OTOA: variants seen among roughly 807,000 people sequenced by gnomAD.
OTOA encodes the protein cancer/testis antigen 108.
In OTOA, 70 loss-of-function variants were observed where a neutral mutation model predicts 110.8. That is an observed-to-expected ratio of 0.63 (90% CI 0.52 to 0.77). The LOEUF is 0.77. Among genes scored for constraint, OTOA ranks in the 30% least tolerant of loss-of-function variants. OTOA has a pLI of 0.00. For missense variants in OTOA, 917 were observed against 1,075.8 expected (o/e 0.85, Z 2.06); for synonymous variants, 373 against 431.5 (o/e 0.86, Z 1.68).
intron 14 of OTOA, 30 bp downstream of exon 14, chr16:21,715,182 C>A (rs771300640): frequency 4.4e-5 from 71 of 1,613,790 alleles, no homozygotes; most frequent in Non-Finnish European, 5.9e-5. Flanking sequence ...TGCTCAGCCA[C>A]ATGTCACAGG....
At chr16:21,671,586 C>CAAAAAAAA (rs369010025) in intron 1 of OTOA, among the ~76,000 whole-genome samples, 4 of 78,276 alleles carry the variant, frequency 5.1e-5, no homozygotes, top group African/African-American at 9.3e-5. Context: ...GACTCCATAT[C>CAAAAAAAA]AAAAAAAAAA....
chr16:21,733,689 C>G (rs1271486681), intron 21 of OTOA, among the ~76,000 whole-genome samples: 1 of 150,630 alleles, frequency 6.6e-6, no homozygotes, highest in African/African-American at 2.4e-5. Flanking sequence ...GCACTTTCTC[C>G]AAGGCAACCC....
chr16:21,697,975 T>C, intron 10 of OTOA, 100 bp downstream of exon 10: 1 of 1,052,530 alleles, frequency 9.5e-7, no homozygotes, highest in African/African-American at 1.6e-5. Flanking sequence ...CAAGGTGCCT[T>C]GGAAATTGTG....
chr16:21,678,995 C>A, intron 3 of OTOA, 41 bp from the exon 4 acceptor site: 1 of 1,613,828 alleles, frequency 6.2e-7, no homozygotes, highest in Non-Finnish European at 8.5e-7. Context: ...GAATTGCCAA[C>A]TTTTGGTTGT....
chr16:21,695,891 A>ATATATATTTTTTTT (rs569493650), intron 9 of OTOA, among the ~76,000 whole-genome samples: 2 of 41,894 alleles, frequency 4.8e-5, no homozygotes, highest in African/African-American at 1.5e-4. Context: ...ATATATATAT[A>ATATATATTTTTTTT]TTTTTTTTTT....
At chr16:21,689,059 T>C (rs914891018) in intron 8 of OTOA, among the ~76,000 whole-genome samples, 3 of 152,112 alleles carry the variant, frequency 2.0e-5, no homozygotes, top group Admixed American at 6.5e-5. Context: ...CTGCATGAAA[T>C]TGCGCTTTGA....
At chr16:21,684,463 G>T in intron 6 of OTOA, 1 of 1,544,930 alleles carries the variant, frequency 6.5e-7, no homozygotes, top group Non-Finnish European at 8.8e-7. Context: ...TGGTAGCTTG[G>T]GTTTGGGCAC....
chr16:21,677,912 A>C (rs1203703768), intron 1 of OTOA, among the ~76,000 whole-genome samples: 1 of 150,666 alleles, frequency 6.6e-6, no homozygotes, highest in African/African-American at 2.4e-5. Context: ...TTTTTTCCAG[A>C]GTCTCGCTCT....
At chr16:21,669,423 G>A (rs1378997091) in intron 1 of OTOA, among the ~76,000 whole-genome samples, 1 of 151,974 alleles carries the variant, frequency 6.6e-6, no homozygotes, top group Non-Finnish European at 1.5e-5. Context: ...TGTTTAGATA[G>A]CTGCTTCTGA....
intron 20 of OTOA, chr16:21,730,604 A>C (rs996850546): frequency 2.1e-6 from 1 of 472,006 alleles, no homozygotes; most frequent in African/African-American, 2.0e-5. Context: ...CCCTACTGCC[A>C]GAGATACCAG....
At chr16:21,699,398 G>A (rs1447125579) in intron 10 of OTOA, among the ~76,000 whole-genome samples, 2 of 152,206 alleles carry the variant, frequency 1.3e-5, no homozygotes, top group African/African-American at 2.4e-5. Context: ...CACTTTGGGA[G>A]GCCAAGGCGG....
intron 2 of OTOA, 34 bp from the exon 3 acceptor site, chr16:21,678,881 A>T (rs1168888736): frequency 6.2e-7 from 1 of 1,609,622 alleles, no homozygotes; most frequent in Non-Finnish European, 8.5e-7. Flanking sequence ...CACACAATTC[A>T]ATTCTAGTTA....
At chr16:21,756,702 C>T (rs1183152993) in intron 27 of OTOA, among the ~76,000 whole-genome samples, 1 of 152,026 alleles carries the variant, frequency 6.6e-6, no homozygotes, top group Non-Finnish European at 1.5e-5. Flanking sequence ...CAATTTAACC[C>T]TGTATAGTAC....
chr16:21,695,891 A>ATATATATATATATATATATTTT (rs569493650), intron 9 of OTOA, among the ~76,000 whole-genome samples: 1 of 41,892 alleles, frequency 2.4e-5, no homozygotes, highest in African/African-American at 1.5e-4. Flanking sequence ...ATATATATAT[A>ATATATATATATATATATATTTT]TTTTTTTTTT....
At chr16:21,664,817 C>G (rs1486978003) in intron 1 of OTOA, among the ~76,000 whole-genome samples, 1 of 151,634 alleles carries the variant, frequency 6.6e-6, no homozygotes. Flanking sequence ...ACTAAAAATA[C>G]AAATATTAGC....
intron 9 of OTOA, among the ~76,000 whole-genome samples, chr16:21,697,168 C>A (rs1228526145): frequency 6.6e-6 from 1 of 150,842 alleles, no homozygotes; most frequent in Non-Finnish European, 1.5e-5. Context: ...AGGTGCCTGG[C>A]CAGAAAGAAT....
chr16:21,678,667 A>G, intron 2 of OTOA, 62 bp downstream of exon 2: 1 of 1,439,404 alleles, frequency 6.9e-7, no homozygotes, highest in Non-Finnish European at 9.8e-7. Context: ...ATGAGGTGGG[A>G]TAGATACATT....
chr16:21,664,357 C>G (rs1348653282), intron 1 of OTOA, 125 bp downstream of exon 1: 1 of 151,996 alleles, frequency 6.6e-6, no homozygotes, highest in Non-Finnish European at 1.5e-5. Context: ...GGGGGACAGA[C>G]CGAGAGAAAG....
At chr16:21,688,058 A>G (rs1447807751) in intron 8 of OTOA, among the ~76,000 whole-genome samples, 1 of 152,102 alleles carries the variant, frequency 6.6e-6, no homozygotes, top group African/African-American at 2.4e-5. Flanking sequence ...ACAAGTGGGG[A>G]CAGGTTGATA....
Sources: allele counts gnomAD v4.1 joint callset (sites outside exome capture counted in the v4.1 genomes callset), GRCh38; gene constraint gnomAD v4.1.1; transcripts MANE v1.5; gene names NCBI Gene and HGNC (gene_info 2026-07-23, HGNC 2026-07-21).